Variants in GALNT17 observed in about 807,000 individuals in gnomAD.
GALNT17 encodes the protein UDP-GalNAc:polypeptide N-acetylgalactosaminyltransferase-like 3.
A neutral mutation model predicts 63.7 loss-of-function variants in GALNT17; 29 were observed. The ratio of observed to expected loss-of-function variants is 0.46; its 90% CI spans 0.34 to 0.62. The LOEUF is 0.62. GALNT17 is among the 20% of genes least tolerant of loss of function. GALNT17 has a pLI of 0.01. For missense variants in GALNT17, 603 were observed against 799.6 expected (o/e 0.75, Z 2.97); for synonymous variants, 305 against 318.3 (o/e 0.96, Z 0.45).
chr7:71,337,818 A>T (rs1221524911), intron 2 of GALNT17, among the ~76,000 whole-genome samples: 1 of 151,620 alleles, frequency 6.6e-6, no homozygotes, highest in Non-Finnish European at 1.5e-5. Flanking sequence ...CAGTGAGCCG[A>T]GATCACACCA....
At chr7:71,698,295 G>A (rs1236399756) in intron 9 of GALNT17, among the ~76,000 whole-genome samples, 2 of 152,074 alleles carry the variant, frequency 1.3e-5, no homozygotes, top group Admixed American at 1.3e-4. Flanking sequence ...GTAGGAAAAA[G>A]GAAAATGACT....
intron 1 of GALNT17, among the ~76,000 whole-genome samples, chr7:71,229,375 G>A (rs780114545): frequency 3.3e-5 from 5 of 152,162 alleles, no homozygotes; most frequent in Admixed American, 1.3e-4. Flanking sequence ...TGGCTTTAGC[G>A]GGGACGGTGA....
At chr7:71,459,546 G>T (rs1028257565) in intron 5 of GALNT17, among the ~76,000 whole-genome samples, 1 of 152,118 alleles carries the variant, frequency 6.6e-6, no homozygotes, top group African/African-American at 2.4e-5. Context: ...TCATCACATG[G>T]GTTTTATTTA....
At chr7:71,554,664 G>A (rs908353417) in intron 5 of GALNT17, among the ~76,000 whole-genome samples, 17 of 152,118 alleles carry the variant, frequency 1.1e-4, no homozygotes, top group Admixed American at 8.5e-4. Context: ...ATTGCCTCCC[G>A]CCAGAGTGCT....
At chr7:71,149,299 A>G (rs981806917) in intron 1 of GALNT17, among the ~76,000 whole-genome samples, 6 of 152,124 alleles carry the variant, frequency 3.9e-5, no homozygotes, top group African/African-American at 1.2e-4. Flanking sequence ...ACCTATTTAT[A>G]CTATTATATC....
At chr7:71,429,673 G>A (rs1784873832) in intron 5 of GALNT17, among the ~76,000 whole-genome samples, 1 of 152,156 alleles carries the variant, frequency 6.6e-6, no homozygotes, top group Admixed American at 6.5e-5. Flanking sequence ...CTCCAGCGGA[G>A]CTGGGACCAC....
At chr7:71,436,150 C>A (rs1037866788) in intron 5 of GALNT17, among the ~76,000 whole-genome samples, 1 of 152,096 alleles carries the variant, frequency 6.6e-6, no homozygotes, top group Non-Finnish European at 1.5e-5. Flanking sequence ...GTTGCAATTC[C>A]CCTGTCTTGA....
chr7:71,410,841 C>T (rs1459656984), intron 3 of GALNT17, among the ~76,000 whole-genome samples: 2 of 152,092 alleles, frequency 1.3e-5, no homozygotes, highest in African/African-American at 2.4e-5. Flanking sequence ...AGGCAGTGTT[C>T]GCTTCTCCCC....
Position 71,621,545 on chromosome 7 carries a change from T to TAGATG in GALNT17, c.1081-43866_1081-43865insAGATG, listed in dbSNP as rs1249735813. The stretch of plus-strand genomic sequence containing the variant: ...TGGATGGATGGATGGATTGATGGAT[T>TAGATG]GATGGATAGATGGATGGATGGATGG... On this transcript the variant is annotated intron_variant, in intron 6 of 10. Transcript: ENST00000333538. 1.1e-3 allele frequency among the ~76,000 whole-genome samples: 100 copies of TAGATG among 87,364 alleles called. 1 individual carries two copies. Among genetic ancestry groups the TAGATG allele is most frequent in the South Asian group, 2.3e-3 (4 of 1,742 alleles). The allele number at this position is 87,364 out of a possible 152,430, so 57.3% of individuals were successfully genotyped here.
At chr7:71,676,386 T>C (rs1313186413) in intron 8 of GALNT17, among the ~76,000 whole-genome samples, 4 of 152,066 alleles carry the variant, frequency 2.6e-5, no homozygotes, top group South Asian at 2.1e-4. Context: ...TTAGGTTTTT[T>C]TTTTCTTTTT....
rs375874750 is a variant in GALNT17, at chr7:71,544,638, CT to C, written c.963-26646del. 1.2e-3 allele frequency among the ~76,000 whole-genome samples: 181 copies of C among 152,184 alleles called. 2 individuals carry two copies. The South Asian group carries it at 0.034, about 28-fold the overall frequency. ...CCAGGATAGAAAATAGCTTTCTTGC[CT>C]GGGGGGAGTAGTTGACTTCACACTT... On this transcript the variant is annotated intron_variant, in intron 5 of 10. Coordinates refer to ENST00000333538, the MANE Select transcript of GALNT17 (RefSeq NM_022479.3).
At chr7:71,482,075 ATGTATATG>A (rs1787827319) in intron 5 of GALNT17, among the ~76,000 whole-genome samples, 1 of 40,430 alleles carries the variant, frequency 2.5e-5, no homozygotes, top group African/African-American at 6.0e-5. Flanking sequence ...GTATACATAT[ATGTATATG>A]TGTGTGTGTG....
At chr7:71,228,665 C>T (rs1396488867) in intron 1 of GALNT17, among the ~76,000 whole-genome samples, 2 of 152,184 alleles carry the variant, frequency 1.3e-5, no homozygotes, top group Non-Finnish European at 2.9e-5. Flanking sequence ...ATCTTCCAAT[C>T]TTTCTATGCT....
chr7:71,361,038 T>C (rs1026215327), intron 2 of GALNT17, among the ~76,000 whole-genome samples: 7 of 152,194 alleles, frequency 4.6e-5, no homozygotes, highest in Non-Finnish European at 1.0e-4. Context: ...TAGCTACTTA[T>C]TGGTATCAAC....
chr7:71,560,657 T>C lies in GALNT17; in HGVS notation c.963-10628T>C, dbSNP rs1789241131. Among the ~76,000 whole-genome samples, 5 of 152,188 alleles carry C rather than the reference T, an allele frequency of 3.3e-5. No individual in the cohort carries two copies. In the South Asian group the frequency reaches 1.0e-3, roughly 32 times the overall value. ...ATGGTAACGGAGCTGTAGCTCTCTT[T>C]AGCACCGTCATGAGAAAGTTCACTT... On this transcript the variant is annotated intron_variant, in intron 5 of 10. Transcript: ENST00000333538.
At chr7:71,329,951 G>A (rs12699019) in intron 1 of GALNT17, among the ~76,000 whole-genome samples, 64 of 96,214 alleles carry the variant, frequency 6.7e-4, no homozygotes, top group Admixed American at 2.1e-3. Context: ...ACACACATAT[G>A]TGTGTGTGTA....
intron 5 of GALNT17, among the ~76,000 whole-genome samples, chr7:71,523,884 C>A (rs963973305): frequency 6.6e-6 from 1 of 151,786 alleles, no homozygotes; most frequent in Non-Finnish European, 1.5e-5. Context: ...CTTTGGAAGG[C>A]CGAGGTGGGC....
intron 1 of GALNT17, among the ~76,000 whole-genome samples, chr7:71,290,947 G>A (rs1400037218): frequency 6.6e-6 from 1 of 152,224 alleles, no homozygotes; most frequent in African/African-American, 2.4e-5. Context: ...CCGAGCCTTG[G>A]TTTCCACATT....
At chr7:71,543,035 G>GT (rs11389655) in intron 5 of GALNT17, among the ~76,000 whole-genome samples, 101,538 of 141,146 alleles carry the variant, frequency 0.72, 36,092 homozygotes, top group Non-Finnish European at 0.74. Context: ...TTTGACCTTT[G>GT]TTAAAAAAAA....
Sources: gnomAD v4.1 joint callset for allele counts (sites outside exome capture counted in the v4.1 genomes callset) on GRCh38, gnomAD v4.1.1 for gene constraint, MANE v1.5 for transcripts, NCBI Gene and HGNC (gene_info 2026-07-23, HGNC 2026-07-21) for gene names.